NYAP2: variants seen among roughly 807,000 people sequenced by gnomAD.
NYAP2 encodes neuronal tyrosine-phosphorylated phosphoinositide-3-kinase adaptor 2, also known as neuronal tyrosine-phosphorylated phosphoinositide-3-kinase adapter 2.
NYAP2 carries 23 observed loss-of-function variants against 50.4 expected under a neutral mutation model. The observed-to-expected ratio is 0.46, with a 90% CI of 0.33 to 0.65. The LOEUF is 0.65. NYAP2 is among the 30% of genes least tolerant of loss of function. NYAP2 has a pLI of 0.02. For missense variants in NYAP2, 885 were observed against 861.0 expected (o/e 1.03, Z -0.35); for synonymous variants, 394 against 365.2 (o/e 1.08, Z -0.90).
At chr2:225,696,726 T>G in the NYAP2 span, among the ~76,000 whole-genome samples, 11 of 151,942 alleles carry the variant, frequency 7.2e-5, no homozygotes, top group African/African-American at 2.7e-4. Flanking sequence ...TATACATACA[T>G]TGAGAGGCAG....
At chr2:225,612,675 A>C (rs1574708960) in intron 5 of NYAP2, among the ~76,000 whole-genome samples, 1 of 152,080 alleles carries the variant, frequency 6.6e-6, no homozygotes, top group Non-Finnish European at 1.5e-5. Flanking sequence ...GTATCCTCAC[A>C]TGGCAGACAG....
intron 3 of NYAP2, among the ~76,000 whole-genome samples, chr2:225,437,681 C>T (rs1021839754): frequency 6.6e-6 from 1 of 152,182 alleles, no homozygotes; most frequent in Non-Finnish European, 1.5e-5. Context: ...TTTCACTTGC[C>T]TCAAACAGTG....
chr2:225,443,060 A>G (rs139338838), intron 3 of NYAP2, among the ~76,000 whole-genome samples: 262 of 152,224 alleles, frequency 1.7e-3, no homozygotes, highest in African/African-American at 5.9e-3. Context: ...TGAGAACAGC[A>G]CAGGAAAAGC....
At chr2:225,532,539 C>G (rs911710912) in intron 4 of NYAP2, among the ~76,000 whole-genome samples, 5 of 152,210 alleles carry the variant, frequency 3.3e-5, no homozygotes, top group Admixed American at 3.3e-4. Flanking sequence ...TTGGAAATCT[C>G]TGCTTTCTGA....
chr2:225,449,837 G>A (rs1689622002), intron 3 of NYAP2, among the ~76,000 whole-genome samples: 1 of 151,400 alleles, frequency 6.6e-6, no homozygotes, highest in East Asian at 2.0e-4. Context: ...GGCTGGTCTC[G>A]AACTCCTGAC....
intron 5 of NYAP2, among the ~76,000 whole-genome samples, chr2:225,595,742 C>T (rs1457883580): frequency 6.6e-6 from 1 of 152,164 alleles, no homozygotes; most frequent in Non-Finnish European, 1.5e-5. Flanking sequence ...TCAAATTGCC[C>T]ACTGATGTTT....
intron 4 of NYAP2, among the ~76,000 whole-genome samples, chr2:225,537,831 C>T (rs1481636616): frequency 6.6e-6 from 1 of 152,178 alleles, no homozygotes; most frequent in Non-Finnish European, 1.5e-5. Flanking sequence ...GCCTTTGAGC[C>T]TGTAAAATCA....
intron 5 of NYAP2, 144 bp downstream of exon 5, chr2:225,583,179 A>G (rs907595849): frequency 1.9e-6 from 2 of 1,057,758 alleles, no homozygotes; most frequent in Non-Finnish European, 2.6e-6. Flanking sequence ...AAAATGTGTT[A>G]GTTCATTTTT....
chr2:225,458,913 G>A (rs1033634320), intron 3 of NYAP2, among the ~76,000 whole-genome samples: 6 of 152,118 alleles, frequency 3.9e-5, no homozygotes, highest in East Asian at 1.9e-4. Context: ...CAGTGGTCTC[G>A]TTCTTAAACA....
chr2:225,655,888 AC>A (rs1559242649), downstream of NYAP2, among the ~76,000 whole-genome samples: 388 of 74,154 alleles, frequency 5.2e-3, 3 homozygotes, highest in African/African-American at 0.025. Flanking sequence ...CCTCCACTAC[AC>A]ACACACACAC....
At chr2:225,620,404 C>CGCACGCACACAT (rs1453809913) in intron 5 of NYAP2, among the ~76,000 whole-genome samples, 3 of 145,482 alleles carry the variant, frequency 2.1e-5, no homozygotes, top group Non-Finnish European at 4.6e-5. Flanking sequence ...CGCACACACG[C>CGCACGCACACAT]GCACGCACAC....
chr2:225,654,155 C>T (rs902379131), downstream of NYAP2: 1 of 152,202 alleles, frequency 6.6e-6, no homozygotes, highest in South Asian at 2.1e-4. Context: ...TGTGCTCAGG[C>T]ATGCAAGACA....
At chr2:225,655,885 TACAC>T (rs372646871), downstream of NYAP2, among the ~76,000 whole-genome samples, 21,811 of 120,918 alleles carry the variant, frequency 0.18, 1,765 homozygotes, top group African/African-American at 0.24. Flanking sequence ...CAACCTCCAC[TACAC>T]ACACACACAC....
intron 4 of NYAP2, among the ~76,000 whole-genome samples, chr2:225,533,270 C>A (rs533379704): frequency 1.2e-4 from 18 of 152,294 alleles, no homozygotes; most frequent in African/African-American, 4.1e-4. Context: ...TGAGTAATGT[C>A]CTTGCAGTTC....
the NYAP2 span, among the ~76,000 whole-genome samples, chr2:225,690,354 CAA>C: frequency 0.011 from 1,713 of 152,086 alleles, 27 homozygotes; most frequent in African/African-American, 0.037. Flanking sequence ...AATATGCTGA[CAA>C]GTGCAGAAAA....
chr2:225,622,312 G>T (rs888056975), intron 5 of NYAP2, among the ~76,000 whole-genome samples: 1 of 151,282 alleles, frequency 6.6e-6, no homozygotes, highest in Non-Finnish European at 1.5e-5. Context: ...GATCACAGGC[G>T]TGAGGCATTG....
At chr2:225,684,844 G>A in the NYAP2 span, among the ~76,000 whole-genome samples, 11 of 152,048 alleles carry the variant, frequency 7.2e-5, no homozygotes, top group African/African-American at 2.2e-4. Context: ...AGCCACCACA[G>A]CCAACCAAAT....
At chr2:225,679,429 C>T in the NYAP2 span, among the ~76,000 whole-genome samples, 1 of 149,558 alleles carries the variant, frequency 6.7e-6, no homozygotes, top group Non-Finnish European at 1.5e-5. Flanking sequence ...GAATTTCAAA[C>T]AACATTTAAA....
Position 225,582,298 on chromosome 2 carries a change from C to T in NYAP2, c.881C>T (p.Ser294Leu), listed in dbSNP as rs368778863. ...GACTTCGACCATCACAGCTGTTCTTCGCAGTGTGCTACTCCCACGGTGCCT... is the reference window on the plus strand; with the variant it reads ...GACTTCGACCATCACAGCTGTTCTTTGCAGTGTGCTACTCCCACGGTGCCT... The change falls in exon 5 of 7, where the codon TCG (serine) becomes TTG (leucine). Residue 294 changes from serine to leucine, a missense_variant. By Grantham distance (145) the Ser-to-Leu change is moderately radical. Coordinates refer to ENST00000636099, the Ensembl canonical transcript of NYAP2. This position sits in a 1 kb window ranked among gnomAD's most constrained non-coding sequence, Gnocchi z 7.0. The T allele has an allele frequency of 6.8e-5, 110 of 1,613,910 alleles. 1 individual carries two copies. In the East Asian group the frequency reaches 1.7e-3, roughly 25 times the overall value.
Sources: gnomAD v4.1 joint callset for allele counts (sites outside exome capture counted in the v4.1 genomes callset) on GRCh38, gnomAD v4.1.1 for gene constraint, Gnocchi (gnomAD v3.1) non-coding constraint, MANE v1.5 for transcripts, NCBI Gene and HGNC (gene_info 2026-07-23, HGNC 2026-07-21) for gene names.